DLG2: variants seen among roughly 807,000 people sequenced by gnomAD.
DLG2 encodes discs large MAGUK scaffold protein 2.
A neutral mutation model predicts 132.5 loss-of-function variants in DLG2; 45 were observed. The observed-to-expected ratio is 0.34, with a 90% CI of 0.27 to 0.44. DLG2 has a LOEUF of 0.44. DLG2 is among the 20% of genes least tolerant of loss of function. The pLI is 1.00. For synonymous variants in DLG2, 424 were observed against 419.6 expected (o/e 1.01, Z -0.13); for missense variants, 1,045 against 1,196.9 (o/e 0.87, Z 1.87).
intron 17 of DLG2, among the ~76,000 whole-genome samples, chr11:83,828,796 A>C (rs1419822532): frequency 6.6e-6 from 1 of 152,180 alleles, no homozygotes; most frequent in African/African-American, 2.4e-5. Context: ...CACTTATTGA[A>C]TATGTATACT....
At chr11:83,680,842 AT>A (rs2078660209) in intron 18 of DLG2, among the ~76,000 whole-genome samples, 1 of 152,140 alleles carries the variant, frequency 6.6e-6, no homozygotes. Flanking sequence ...CAAAATATTT[AT>A]GCAAAAAATA....
At chr11:84,358,351 G>A (rs1267152465) in intron 7 of DLG2, among the ~76,000 whole-genome samples, 1 of 148,142 alleles carries the variant, frequency 6.8e-6, no homozygotes, top group Non-Finnish European at 1.5e-5. Flanking sequence ...TCATCAAACA[G>A]CAAGTCCCAG....
At position 84,686,642 on chromosome 11, in the gene DLG2, T is replaced by G. The variant is rs1253027761; in HGVS notation, c.358-151911A>C. On this transcript the variant is annotated intron_variant, in intron 6 of 27. Coordinates refer to ENST00000376104, the MANE Select transcript of DLG2 (RefSeq NM_001142699.3). ...AACTGGCCTTGAGGTTTTTTTTTTT[T>G]TTTTTTTTTTATGCTATACACCATG... Among the ~76,000 whole-genome samples, 29 of 151,178 alleles carry G rather than the reference T, an allele frequency of 1.9e-4. No individual in the cohort carries two copies. The East Asian group carries it at 5.7e-3, about 30-fold the overall frequency.
chr11:85,161,367 G>A (rs1480578352), intron 4 of DLG2, among the ~76,000 whole-genome samples: 1 of 152,204 alleles, frequency 6.6e-6, no homozygotes, highest in Admixed American at 6.5e-5. Context: ...CCTGGTTATG[G>A]CCACTGCTGA....
chr11:85,025,709 G>C (rs1486679625), intron 6 of DLG2, among the ~76,000 whole-genome samples: 1 of 152,108 alleles, frequency 6.6e-6, no homozygotes, highest in African/African-American at 2.4e-5. Context: ...TTCTGTAAAA[G>C]TTGGCTAATA....
At chr11:85,138,711 A>G (rs2076274509) in intron 5 of DLG2, among the ~76,000 whole-genome samples, 1 of 151,230 alleles carries the variant, frequency 6.6e-6, no homozygotes, top group African/African-American at 2.4e-5. Flanking sequence ...TGGGTTTATC[A>G]GGGATTTATG....
chr11:85,293,120 G>C (rs924376851), intron 3 of DLG2, among the ~76,000 whole-genome samples: 28 of 152,112 alleles, frequency 1.8e-4, no homozygotes, highest in African/African-American at 6.8e-4. Flanking sequence ...AAATGGGGGA[G>C]AAGGGAAAGT....
intron 8 of DLG2, among the ~76,000 whole-genome samples, chr11:84,217,636 G>T (rs955656695): frequency 6.6e-6 from 1 of 152,200 alleles, no homozygotes; most frequent in South Asian, 2.1e-4. Flanking sequence ...TGGGGGAGAA[G>T]GGATTATGTG....
chr11:84,181,314 A>G (rs1469619435), intron 8 of DLG2, among the ~76,000 whole-genome samples: 1 of 151,872 alleles, frequency 6.6e-6, no homozygotes, highest in African/African-American at 2.4e-5. Context: ...TGTAGTGCAA[A>G]TTCTATGGCA....
chr11:84,008,243 C>T (rs1262586484), intron 11 of DLG2, among the ~76,000 whole-genome samples: 1 of 151,844 alleles, frequency 6.6e-6, no homozygotes, highest in Non-Finnish European at 1.5e-5. Context: ...ACTCTTGTAT[C>T]ATCTTCTTAG....
At chr11:83,483,043 A>G (rs1975119) in intron 22 of DLG2, among the ~76,000 whole-genome samples, 1,696 of 152,248 alleles carry the variant, frequency 0.011, 11 homozygotes, top group Non-Finnish European at 0.018. Flanking sequence ...CAGAAGTTAG[A>G]GTGCCTGATA....
At chr11:85,240,416 C>CT (rs1398717456) in intron 4 of DLG2, among the ~76,000 whole-genome samples, 9 of 151,674 alleles carry the variant, frequency 5.9e-5, no homozygotes, top group African/African-American at 2.2e-4. Flanking sequence ...TAAACAAAAG[C>CT]TCTTATGTTT....
intron 7 of DLG2, among the ~76,000 whole-genome samples, chr11:84,457,541 T>C (rs2099068619): frequency 6.6e-6 from 1 of 151,074 alleles, no homozygotes; most frequent in Admixed American, 6.6e-5. Flanking sequence ...CTGTTACTCC[T>C]GCAATTGAAA....
chr11:84,740,089 C>T (rs2064395404), intron 6 of DLG2, among the ~76,000 whole-genome samples: 1 of 151,638 alleles, frequency 6.6e-6, no homozygotes, highest in Non-Finnish European at 1.5e-5. Context: ...ATGGCATCCA[C>T]TAGATAAAAG....
At position 84,354,527 on chromosome 11, in the gene DLG2, A is replaced by G. The variant is rs117769700; in HGVS notation, c.520-103236T>C. Among the ~76,000 whole-genome samples the G allele has an allele frequency of 3.3e-3, 503 of 152,252 alleles. 22 individuals are homozygous for G. In the East Asian group the frequency reaches 0.075, roughly 23 times the overall value. ...TGTTGTCAGGGATGAGAAAAATGCT[A>G]TTTGCTAAAAATATGAATATTTCTT... On this transcript the variant is annotated intron_variant, in intron 7 of 27. Coordinates refer to ENST00000376104, the MANE Select transcript of DLG2 (RefSeq NM_001142699.3).
At chr11:83,578,042 T>TTGTGTG (rs201528737) in intron 19 of DLG2, among the ~76,000 whole-genome samples, 2,419 of 132,438 alleles carry the variant, frequency 0.018, 78 homozygotes, top group African/African-American at 0.058. Flanking sequence ...GGGGTTTATT[T>TTGTGTG]TGTGTGTGTG....
chr11:83,876,364 A>G (rs1053961938), intron 15 of DLG2, among the ~76,000 whole-genome samples: 2 of 152,180 alleles, frequency 1.3e-5, no homozygotes, highest in Non-Finnish European at 2.9e-5. Context: ...AGTTAGTCAT[A>G]CAGTCAGTGC....
intron 6 of DLG2, among the ~76,000 whole-genome samples, chr11:84,957,831 G>A (rs567606282): frequency 5.9e-5 from 9 of 152,280 alleles, no homozygotes; most frequent in Admixed American, 2.0e-4. Flanking sequence ...TGATTGCTGT[G>A]TCTGTGCAAT....
chr11:85,121,930 A>C (rs536499947), intron 5 of DLG2, among the ~76,000 whole-genome samples: 1 of 152,316 alleles, frequency 6.6e-6, no homozygotes, highest in South Asian at 2.1e-4. Context: ...ACAGAAGTAC[A>C]TGGATATCTA....
Sources: allele counts gnomAD v4.1 joint callset (sites outside exome capture counted in the v4.1 genomes callset), GRCh38; gene constraint gnomAD v4.1.1; transcripts MANE v1.5; gene names NCBI Gene and HGNC (gene_info 2026-07-23, HGNC 2026-07-21).